Variants in ITGB4 observed in about 807,000 individuals in gnomAD.
ITGB4 encodes the protein integrin beta-4.
ITGB4 carries 159 observed loss-of-function variants against 207.6 expected under a neutral mutation model. That is an observed-to-expected ratio of 0.77 (90% CI 0.67 to 0.87). The LOEUF (loss-of-function observed/expected upper bound fraction) is 0.87, where lower values mean the gene tolerates loss of function less well. Ranked by LOEUF, ITGB4 falls within the 40% of genes least tolerant of loss-of-function variation. The pLI, the probability that ITGB4 is intolerant of heterozygous loss-of-function variation, is 0.00. For synonymous variants in ITGB4, 1,020 were observed against 1,062.7 expected, an observed-to-expected ratio of 0.96 and a Z score of 0.78; for missense variants, 2,278 against 2,546.8, an observed-to-expected ratio of 0.89 and a Z score of 2.27.
rs1188501260 is a variant in ITGB4 at position 75,732,423 on chromosome 17, G to T, written c.1454+184G>T. Among the ~76,000 whole-genome samples the T allele has an allele frequency of 1.3e-5, 2 of 152,170 alleles. No individual in the cohort carries two copies. The highest frequency in any genetic ancestry group is 2.9e-5 in the Non-Finnish European group (2 of 68,028). ...GGTCAAACCCAGGTCAAAGCACTTT[G>T]AAATACAGAGATATATGGGCTGTCT... On this transcript the variant is annotated intron_variant, in intron 12 of 39. Transcript: ENST00000200181. This position sits in a 1 kb window ranked among gnomAD's most constrained non-coding sequence, Gnocchi z 5.3.
chr17:75,725,158 A>G (rs901792021), intron 2 of ITGB4, among the ~76,000 whole-genome samples: 4 of 152,202 alleles, frequency 2.6e-5, no homozygotes, highest in African/African-American at 9.7e-5. Flanking sequence ...TAGTGGACAA[A>G]TCACTGGAGC....
At position 75,739,156 on chromosome 17, in the gene ITGB4, A is replaced by G. The variant is rs2061049081; in HGVS notation, c.2221-516A>G. On this transcript the variant is annotated intron_variant, in intron 18 of 39. Coordinates refer to ENST00000200181, the MANE Select transcript of ITGB4 (RefSeq NM_000213.5). This position sits in a 1 kb window ranked among gnomAD's most constrained non-coding sequence, Gnocchi z 5.4. Reference sequence around the variant, plus strand: ...ACTAGAAATACAAAATTAGCTGGGCATGGAGGTGGATGCCTATAATCCCAG... The same window carrying G: ...ACTAGAAATACAAAATTAGCTGGGCGTGGAGGTGGATGCCTATAATCCCAG... 6.6e-6 allele frequency among the ~76,000 whole-genome samples: 1 copy of G among 151,568 alleles called. No individual in the cohort carries two copies. Among genetic ancestry groups the G allele is most frequent in the African/African-American group, 2.4e-5 (1 of 41,214 alleles).
intron 6 of ITGB4, among the ~76,000 whole-genome samples, chr17:75,728,812 G>A (rs1168181369): frequency 3.9e-5 from 6 of 151,960 alleles, no homozygotes; most frequent in East Asian, 1.9e-4. Context: ...GTGAAACCCC[G>A]TCTCTACTAA....
intron 34 of ITGB4, chr17:75,755,080 G>C (rs761964471): frequency 6.2e-7 from 1 of 1,601,072 alleles, no homozygotes; most frequent in South Asian, 1.1e-5. Context: ...GGGAACACGG[G>C]AGGAGCAGGC....
At chr17:75,730,572 C>A in intron 8 of ITGB4, 68 bp downstream of exon 8, 1 of 1,484,276 alleles carries the variant, frequency 6.7e-7, no homozygotes, top group Non-Finnish European at 9.3e-7. Flanking sequence ...TCTCAGACAC[C>A]TCTCCCTCCC....
chr17:75,725,476 C>G (rs2060700264), intron 2 of ITGB4, among the ~76,000 whole-genome samples: 1 of 152,114 alleles, frequency 6.6e-6, no homozygotes, highest in African/African-American at 2.4e-5. Context: ...CCATGCCTGG[C>G]TAATTAAAAA....
At chr17:75,754,496 G>A in intron 33 of ITGB4, 80 bp from the exon 34 acceptor site, 2 of 1,583,430 alleles carry the variant, frequency 1.3e-6, no homozygotes, top group East Asian at 2.2e-5. Context: ...GGGTGACCAG[G>A]AATGTGCAGG....
In ITGB4 at chr17:75,737,547, C is replaced by A. The variant is rs146500584; in HGVS notation, c.2123C>A (p.Pro708Gln). 11 of 1,579,212 alleles carry A rather than the reference C, an allele frequency of 7.0e-6. No homozygotes were observed. The highest frequency in any genetic ancestry group is 8.6e-6 in the Non-Finnish European group (10 of 1,163,178). ...VLVHKKKDCP[P>Q]GSFWWLIPLL... is the part of the protein sequence containing the mutation. The stretch of plus-strand genomic sequence containing the variant: ...GCCTCCTCCTCTCCAGACTGCCCTC[C>A]GGGCTCCTTCTGGTGGCTCATCCCC... The change falls in exon 18 of 40, where the codon CCG becomes CAG. Residue 708 changes from proline (P) to glutamine (Q), a missense_variant. Transcript: ENST00000200181.
chr17:75,745,796 T>C (rs1433888408), intron 26 of ITGB4, among the ~76,000 whole-genome samples: 1 of 151,894 alleles, frequency 6.6e-6, no homozygotes, highest in Non-Finnish European at 1.5e-5. Context: ...GGAGAATTGC[T>C]GGAAACCAGG....
Position 75,742,463 on chromosome 17 carries a change from G to C in ITGB4, c.2756G>C (p.Gly919Ala). The part of the protein sequence containing the change: ...RAFHDLKVAP[G>A]YYTLTADQDA... ...TTCCACGACCTCAAGGTGGCCCCCG[G>C]CTACTACACCCTCACTGCAGACCAG... Residue 919 changes from glycine (G) to alanine (A), a missense_variant, in exon 24 of 40, where the codon GGC becomes GCC. Gly to Ala is a moderately conservative substitution (Grantham distance 60). Coordinates refer to ENST00000200181, the MANE Select transcript of ITGB4 (RefSeq NM_000213.5). The surrounding 1 kb of genome is among the most constrained non-coding windows in gnomAD (Gnocchi z 5.9). 4 of 1,613,126 alleles carry C rather than the reference G, an allele frequency of 2.5e-6. No individual in the cohort carries two copies. Among genetic ancestry groups the C allele is most frequent in the Non-Finnish European group, 3.4e-6 (4 of 1,179,788 alleles).
Position 75,733,477 on chromosome 17 carries a change from G to A in ITGB4, c.1455-13G>A, listed in dbSNP as rs752290304. On this transcript the variant is annotated splice_polypyrimidine_tract_variant and intron_variant, in intron 12 of 39. Coordinates refer to ENST00000200181, the MANE Select transcript of ITGB4 (RefSeq NM_000213.5). ...CCTGGGCTGTTTCGGGGAATGACCA[G>A]TTCCTCCTTCAGGAGTGGCCAGACC... The A allele has an allele frequency of 6.2e-7, 1 of 1,612,124 alleles. No homozygotes were observed. The highest frequency in any genetic ancestry group is 1.3e-5 in the African/African-American group (1 of 74,998).
chr17:75,730,320 G>A lies in ITGB4; in HGVS notation c.818G>A (p.Gly273Asp), dbSNP rs1476568580. The stretch of plus-strand genomic sequence containing the variant: ...TCAGCCTTCCACTATGAGGCTGATG[G>A]CGCCAACGTGCTGGCTGGCATCATG... ...TESAFHYEAD[G>D]ANVLAGIMSR... is the part of the protein sequence containing the mutation. The change falls in exon 8 of 40, where the codon GGC (glycine) becomes GAC (aspartate). Residue 273 changes from glycine to aspartate, a missense_variant. Gly to Asp is a moderately conservative substitution (Grantham distance 94). Transcript: ENST00000200181. 4.3e-6 allele frequency: 7 copies of A among 1,613,620 alleles called. No homozygotes were observed. In the African/African-American group the frequency reaches 9.3e-5, roughly 22 times the overall value.
chr17:75,757,328 G>C lies in ITGB4; in HGVS notation c.5329+18G>C. The C allele has an allele frequency of 3.1e-6, 5 of 1,612,652 alleles. No homozygotes were observed. The highest frequency in any genetic ancestry group is 4.2e-6 in the Non-Finnish European group (5 of 1,179,928). On this transcript the variant is annotated intron_variant, in intron 39 of 39. Transcript: ENST00000200181. ...CCTAGTGGGTGAGCACTGAGGGCTA[G>C]GGGATCCCGGCTCTCCTGGGACAGG...
At position 75,733,553 on chromosome 17, in the gene ITGB4, G is replaced by C; in HGVS notation, c.1518G>C (p.Glu506Asp). Reference protein sequence around the residue: ...SLSDIQPCLREGEDKPCSGRG... With the variant: ...SLSDIQPCLRDGEDKPCSGRG... ...GTGACATTCAGCCCTGCCTGCGGGA[G>C]GGCGAGGACAAGCCGTGCTCCGGCC... The change falls in exon 13 of 40, where the codon GAG (glutamate) becomes GAC (aspartate). Residue 506 changes from glutamate (E) to aspartate (D), a missense_variant. Transcript: ENST00000200181. The C allele has an allele frequency of 6.2e-7, 1 of 1,614,006 alleles. No homozygotes were observed. The highest frequency in any genetic ancestry group is 8.5e-7 in the Non-Finnish European group (1 of 1,180,042).
At chr17:75,753,349 A>T (rs954042973) in intron 32 of ITGB4, among the ~76,000 whole-genome samples, 2 of 152,118 alleles carry the variant, frequency 1.3e-5, no homozygotes, top group African/African-American at 4.8e-5. Context: ...CTACCTGCGA[A>T]GCGCTCGGTG....
rs959697295 is a variant in ITGB4, at chr17:75,753,773, TG to T, written c.4119del (p.Trp1373Ter). 1.4e-6 allele frequency: 2 copies of T among 1,447,856 alleles called. No homozygotes were observed. Among genetic ancestry groups the T allele is most frequent in the African/African-American group, 2.9e-5 (2 of 69,180 alleles). 89.7% of individuals were successfully genotyped at this position (1,447,856 alleles called of 1,614,324 possible). A position where few individuals can be genotyped will look rare whatever the true frequency, so the allele number is the denominator to read the frequency against. On this transcript the variant is annotated frameshift_variant, in exon 33 of 40. Coordinates refer to ENST00000200181, the MANE Select transcript of ITGB4 (RefSeq NM_000213.5). LOFTEE classifies it high-confidence loss of function. ...PSVSDDTGCG[W>X]KFEPLLGEEL... ...CCTTCGTTGTTCCCAAGGCTGCGGC[TG>T]GAAGTTCGAGCCCCTGCTGGGGGAG...
At chr17:75,733,787 C>A in intron 13 of ITGB4, 95 bp downstream of exon 13, 1 of 1,354,700 alleles carries the variant, frequency 7.4e-7, no homozygotes, top group Non-Finnish European at 1.0e-6. Context: ...GAGAGCCAGA[C>A]TTGGAATCAG....
chr17:75,735,750 T>A (rs756499398), intron 13 of ITGB4, among the ~76,000 whole-genome samples: 2 of 152,218 alleles, frequency 1.3e-5, no homozygotes, highest in African/African-American at 4.8e-5. Context: ...CTTATTTCTT[T>A]TTCTGACCTT....
chr17:75,731,771 T>C lies in ITGB4; in HGVS notation c.1216-41T>C. The stretch of plus-strand genomic sequence containing the variant: ...CAGGCATCGATGGCCCCCTGGTCCT[T>C]GGGGCTGGGCCTGCCTTGGCTGACC... On this transcript the variant is annotated intron_variant, in intron 10 of 39. Transcript: ENST00000200181. This position sits in a 1 kb window ranked among gnomAD's most constrained non-coding sequence, Gnocchi z 6.8. The C allele has an allele frequency of 6.5e-7, 1 of 1,538,846 alleles. No homozygotes were observed. The highest frequency in any genetic ancestry group is 8.8e-7 in the Non-Finnish European group (1 of 1,138,852).
Sources: gnomAD v4.1 joint callset for allele counts (sites outside exome capture counted in the v4.1 genomes callset) on GRCh38, gnomAD v4.1.1 for gene constraint, Gnocchi (gnomAD v3.1) non-coding constraint, MANE v1.5 for transcripts, NCBI Gene and HGNC (gene_info 2026-07-23, HGNC 2026-07-21) for gene names.